Variants in ZFP14 observed in about 807,000 individuals in gnomAD.
The protein encoded by ZFP14 is zinc finger protein 14 homolog.
In ZFP14, 22 loss-of-function variants were observed where a neutral mutation model predicts 54.5. The ratio of observed to expected loss-of-function variants is 0.40; its 90% confidence interval spans 0.29 to 0.58. The LOEUF (loss-of-function observed/expected upper bound fraction) is 0.58. ZFP14 is among the 20% of genes least tolerant of loss of function. The pLI is 0.39. For synonymous variants in ZFP14, 159 were observed against 204.0 expected (o/e 0.78, Z 1.88); for missense variants, 470 against 637.8 (o/e 0.74, Z 2.83).
At chr19:36,371,943 G>C (rs2031883077) in intron 1 of ZFP14, among the ~76,000 whole-genome samples, 1 of 136,940 alleles carries the variant, frequency 7.3e-6, no homozygotes, top group Non-Finnish European at 1.6e-5. Flanking sequence ...GGGCAACAGA[G>C]TGAGATGAAA....
In ZFP14 at chr19:36,335,695, T is replaced by TAAGGGAAA; in HGVS notation, c.*4528_*4529insTTTCCCTT. ...ACATTTTTACTTGTACTGGAATGAA[T>TAAGGGAAA]ATACACGTTTGTGCATGTGTGCATG... On this transcript the variant is annotated 3_prime_UTR_variant, in exon 5 of 5. Coordinates refer to ENST00000270001, the MANE Select transcript of ZFP14 (RefSeq NM_020917.3). 1 of 152,184 alleles carries TAAGGGAAA rather than the reference T, an allele frequency of 6.6e-6. No individual in the cohort carries two copies. The highest frequency in any genetic ancestry group is 1.5e-5 in the Non-Finnish European group (1 of 68,036). The allele number at this position is 152,184 out of a possible 1,614,324, so 9.4% of individuals were successfully genotyped here.
At chr19:36,358,039 G>A (rs893856395) in intron 4 of ZFP14, among the ~76,000 whole-genome samples, 8 of 147,988 alleles carry the variant, frequency 5.4e-5, no homozygotes, top group East Asian at 2.0e-4. Flanking sequence ...CACCATGCCC[G>A]GCTCTGATCT....
chr19:36,362,059 T>C (rs1373213276), intron 3 of ZFP14, 53 bp downstream of exon 3: 5 of 1,536,014 alleles, frequency 3.3e-6, no homozygotes, highest in Non-Finnish European at 4.4e-6. Context: ...CTAAATATAG[T>C]CCTGAAATTG....
rs567262131 is a variant in ZFP14, at chr19:36,344,008, TTTTC to T, written c.236-2422_236-2419del. 3.6e-3 allele frequency among the ~76,000 whole-genome samples: 541 copies of T among 152,220 alleles called. 1 individual carries two copies. The highest frequency in any genetic ancestry group is 4.6e-3 in the Non-Finnish European group (311 of 68,004). On this transcript the variant is annotated intron_variant, in intron 4 of 4. Coordinates refer to ENST00000270001, the MANE Select transcript of ZFP14 (RefSeq NM_020917.3). ...ACACTCTCTTAGCACACTCTTTCTC[TTTTC>T]TTTGTTTTTTTGAGATGGAGTTTCT... is the stretch of plus-strand genomic sequence containing the variant.
intron 1 of ZFP14, among the ~76,000 whole-genome samples, chr19:36,369,459 G>A (rs1033127804): frequency 6.6e-6 from 1 of 152,040 alleles, no homozygotes; most frequent in Non-Finnish European, 1.5e-5. Context: ...CACCCAGGCT[G>A]AACTGCAGTG....
rs2031316684 is a variant in ZFP14 at position 36,341,586 on chromosome 19, C to G, written c.240G>C (p.Leu80Phe). 1 of 1,551,634 alleles carries G rather than the reference C, an allele frequency of 6.4e-7. No individual in the cohort carries two copies. Among genetic ancestry groups the G allele is most frequent in the Non-Finnish European group, 8.7e-7 (1 of 1,154,608 alleles). The change falls in exon 5 of 5, where the codon TTG (leucine) becomes TTC (phenylalanine). Residue 80 changes from leucine to phenylalanine, a missense_variant. Transcript: ENST00000270001. This position sits in a 1 kb window ranked among gnomAD's most constrained non-coding sequence, Gnocchi z 4.2. The stretch of plus-strand genomic sequence containing the variant: ...AAGTATTGGTCCTGTATCTGGACTC[C>G]AAATCTGAAAGAAAACAAGAAAGCA... Reference protein sequence around the residue: ...REGTRRYCPDLESRYRTNTLS... With the variant: ...REGTRRYCPDFESRYRTNTLS...
At chr19:36,364,351 G>A (rs1213800778) in intron 2 of ZFP14, among the ~76,000 whole-genome samples, 1 of 152,190 alleles carries the variant, frequency 6.6e-6, no homozygotes, top group Non-Finnish European at 1.5e-5. Context: ...ATGGGAGGCA[G>A]GCTTTACAGT....
chr19:36,347,590 C>CA (rs1373974154), intron 4 of ZFP14, among the ~76,000 whole-genome samples: 1 of 149,556 alleles, frequency 6.7e-6, no homozygotes, highest in Admixed American at 6.8e-5. Flanking sequence ...GCCTGGGTGA[C>CA]AGAGTGAGGC....
rs1313833811 is a variant in ZFP14, at chr19:36,339,877, A to C, written c.*347T>G. The C allele has an allele frequency of 5.7e-6, 1 of 174,642 alleles. No individual in the cohort carries two copies. Among genetic ancestry groups the C allele is most frequent in the Non-Finnish European group, 1.2e-5 (1 of 82,478 alleles). The allele number at this position is 174,642 out of a possible 1,614,324, so 10.8% of individuals were successfully genotyped here. On this transcript the variant is annotated 3_prime_UTR_variant, in exon 5 of 5. Transcript: ENST00000270001. The stretch of plus-strand genomic sequence containing the variant: ...AGTCTGTGGTAATTTATTACGCAGC[A>C]ATAAATAACTAATACATATAAGTAC...
At chr19:36,373,931 AAAATG>A (rs1409234033) in intron 1 of ZFP14, among the ~76,000 whole-genome samples, 1 of 151,294 alleles carries the variant, frequency 6.6e-6, no homozygotes, top group African/African-American at 2.4e-5. Context: ...AAAAAAGAAA[AAAATG>A]AAAGAAAAAA....
At position 36,341,277 on chromosome 19, in the gene ZFP14, A is replaced by G. The variant is rs746108632; in HGVS notation, c.549T>C (p.Arg183=). The change falls in exon 5 of 5, where the codon CGT becomes CGC. Residue 183 remains arginine (R), a synonymous_variant. Coordinates refer to ENST00000270001, the MANE Select transcript of ZFP14 (RefSeq NM_020917.3). This position sits in a 1 kb window ranked among gnomAD's most constrained non-coding sequence, Gnocchi z 4.2. The part of the protein sequence containing the change: ...ECKECRKTFI[R]RSTLSQHLRI... Reference sequence around the variant, plus strand: ...TCAGGTGTTGACTAAGTGTTGAGCGACGAATAAAGGTCTTCCTACACTCCT... The same window carrying G: ...TCAGGTGTTGACTAAGTGTTGAGCGGCGAATAAAGGTCTTCCTACACTCCT... 4.3e-6 allele frequency: 7 copies of G among 1,614,012 alleles called. No individual in the cohort carries two copies. The highest frequency in any genetic ancestry group is 5.1e-6 in the Non-Finnish European group (6 of 1,180,044).
rs1218449179 is a variant in ZFP14, at chr19:36,352,807, G to A, written c.235+7628C>T. Reference sequence around the variant, plus strand: ...ATATAAAAAATTAGCCGGGCGTGGTGGCAGGCGCCTGTAGTCCCAGCTACT... The same window carrying A: ...ATATAAAAAATTAGCCGGGCGTGGTAGCAGGCGCCTGTAGTCCCAGCTACT... On this transcript the variant is annotated intron_variant, in intron 4 of 4. Transcript: ENST00000270001. Among the ~76,000 whole-genome samples, 2 of 142,368 alleles carry A rather than the reference G, an allele frequency of 1.4e-5. 1 individual carries two copies. The highest frequency in any genetic ancestry group is 3.1e-5 in the Non-Finnish European group (2 of 64,208). The allele number at this position is 142,368 out of a possible 152,430, so 93.4% of individuals were successfully genotyped here. A position where few individuals can be genotyped will look rare whatever the true frequency, so the allele number is the denominator to read the frequency against.
At chr19:36,342,385 C>T (rs1394515406) in intron 4 of ZFP14, among the ~76,000 whole-genome samples, 2 of 151,850 alleles carry the variant, frequency 1.3e-5, no homozygotes, top group East Asian at 1.9e-4. Context: ...CAGGGTTTCA[C>T]CATGTTGGCC....
chr19:36,348,755 C>A (rs548777813), intron 4 of ZFP14, among the ~76,000 whole-genome samples: 5 of 152,136 alleles, frequency 3.3e-5, no homozygotes, highest in African/African-American at 1.2e-4. Context: ...TGTGCTGCAA[C>A]CTTCTGGGAC....
At chr19:36,349,074 A>G (rs1194477027) in intron 4 of ZFP14, among the ~76,000 whole-genome samples, 1 of 151,606 alleles carries the variant, frequency 6.6e-6, no homozygotes. Flanking sequence ...CTAAAAATAC[A>G]AAAAATTAGC....
intron 4 of ZFP14, among the ~76,000 whole-genome samples, chr19:36,359,240 T>C (rs1045740714): frequency 6.6e-6 from 1 of 152,226 alleles, no homozygotes; most frequent in Non-Finnish European, 1.5e-5. Context: ...CTAATCATCA[T>C]TTTTGTATAT....
At position 36,335,504 on chromosome 19, in the gene ZFP14, TAAAATCTTTA is replaced by T. The variant is rs986823147; in HGVS notation, c.*4710_*4719del. The T allele has an allele frequency of 6.6e-6, 1 of 152,144 alleles. No homozygotes were observed. Among genetic ancestry groups the T allele is most frequent in the Non-Finnish European group, 1.5e-5 (1 of 68,016 alleles). The allele number at this position is 152,144 out of a possible 1,614,324, so 9.4% of individuals were successfully genotyped here. A position where few individuals can be genotyped will look rare whatever the true frequency, so the allele number is the denominator to read the frequency against. ...TATTTTACCTTGCAGAATTAATTGG[TAAAATCTTTA>T]GGATTATCTATTCCTTAAAGTTTTT... is the stretch of plus-strand genomic sequence containing the variant. On this transcript the variant is annotated 3_prime_UTR_variant, in exon 5 of 5. Coordinates refer to ENST00000270001, the MANE Select transcript of ZFP14 (RefSeq NM_020917.3).
intron 4 of ZFP14, 56 bp downstream of exon 4, chr19:36,360,379 A>T: frequency 6.6e-7 from 1 of 1,503,946 alleles, no homozygotes; most frequent in African/African-American, 1.4e-5. Context: ...CACCCTAATC[A>T]GTTTAGCTAT....
Position 36,352,138 on chromosome 19 carries a change from C to T in ZFP14, c.235+8297G>A, listed in dbSNP as rs1318319570. On this transcript the variant is annotated intron_variant, in intron 4 of 4. Transcript: ENST00000270001. ...GGCAGAGCTTGCAGCGAGCCGAGAT[C>T]GTGCCACTGCACTCCATTCTGGGCA... is the stretch of plus-strand genomic sequence containing the variant. Among the ~76,000 whole-genome samples, 7 of 140,548 alleles carry T rather than the reference C, an allele frequency of 5.0e-5. 1 individual carries two copies. Among genetic ancestry groups the T allele is most frequent in the East Asian group, 4.2e-4 (2 of 4,728 alleles). The allele number at this position is 140,548 out of a possible 152,430, so 92.2% of individuals were successfully genotyped here. A position where few individuals can be genotyped will look rare whatever the true frequency, so the allele number is the denominator to read the frequency against.
Sources: allele counts gnomAD v4.1 joint callset (sites outside exome capture counted in the v4.1 genomes callset), GRCh38; gene constraint gnomAD v4.1.1; non-coding constraint Gnocchi (gnomAD v3.1); transcripts MANE v1.5; gene names NCBI Gene and HGNC (gene_info 2026-07-23, HGNC 2026-07-21).